Variants in DPYSL2 observed in about 807,000 individuals in gnomAD.
The protein encoded by DPYSL2 is dihydropyrimidinase-related protein 2.
DPYSL2 carries 13 observed loss-of-function variants against 69.9 expected under a neutral mutation model. The ratio of observed to expected loss-of-function variants is 0.19; its 90% CI spans 0.12 to 0.30. DPYSL2 has a LOEUF of 0.30. Ranked by LOEUF, DPYSL2 falls within the 10% of genes least tolerant of loss-of-function variation. The pLI, the probability that DPYSL2 is intolerant of heterozygous loss-of-function variation, is 1.00. For missense variants in DPYSL2, 587 were observed against 918.9 expected, an observed-to-expected ratio of 0.64 and a Z score of 4.67; for synonymous variants, 326 against 359.1, an observed-to-expected ratio of 0.91 and a Z score of 1.04.
At chr8:26,526,711 A>G (rs1808484033) in intron 1 of DPYSL2, among the ~76,000 whole-genome samples, 1 of 152,214 alleles carries the variant, frequency 6.6e-6, no homozygotes, top group Admixed American at 6.5e-5. Context: ...GCATATTGTC[A>G]ATGTCCTTCA....
intron 1 of DPYSL2, among the ~76,000 whole-genome samples, chr8:26,545,692 G>C (rs971742594): frequency 6.6e-6 from 1 of 152,062 alleles, no homozygotes; most frequent in African/African-American, 2.4e-5. Context: ...ACTTGAACCC[G>C]GGAGGCAGAG....
At chr8:26,638,591 G>T (rs376508725) in intron 8 of DPYSL2, among the ~76,000 whole-genome samples, 2 of 152,338 alleles carry the variant, frequency 1.3e-5, no homozygotes, top group African/African-American at 4.8e-5. Flanking sequence ...CTCTGTGGCT[G>T]TTCAGCAGGA....
At chr8:26,569,968 G>C (rs1585514988) in intron 1 of DPYSL2, among the ~76,000 whole-genome samples, 1 of 152,122 alleles carries the variant, frequency 6.6e-6, no homozygotes, top group African/African-American at 2.4e-5. Flanking sequence ...ACTTTAGGAG[G>C]ATCAGTTGAG....
chr8:26,576,279 G>T (rs1483522335), intron 1 of DPYSL2, among the ~76,000 whole-genome samples: 1 of 152,142 alleles, frequency 6.6e-6, no homozygotes, highest in Non-Finnish European at 1.5e-5. Context: ...AGAAAGATTG[G>T]AAGTCAGGCC....
intron 8 of DPYSL2, among the ~76,000 whole-genome samples, chr8:26,639,626 T>C (rs187815127): frequency 1.4e-3 from 207 of 152,336 alleles, no homozygotes; most frequent in Non-Finnish European, 2.5e-3. Flanking sequence ...ATTCTTCTTT[T>C]TTCCCCCACT....
At chr8:26,649,299 A>G (rs1009186276) in intron 11 of DPYSL2, among the ~76,000 whole-genome samples, 1 of 152,256 alleles carries the variant, frequency 6.6e-6, no homozygotes, top group Admixed American at 6.5e-5. Flanking sequence ...TAGACGGGGA[A>G]AATGCTTCCC....
intron 1 of DPYSL2, among the ~76,000 whole-genome samples, chr8:26,539,279 C>T (rs544416417): frequency 1.3e-5 from 2 of 152,330 alleles, no homozygotes; most frequent in South Asian, 4.1e-4. Flanking sequence ...ATGGTTCCCT[C>T]TCCCCCTGCC....
chr8:26,549,789 C>T (rs1455014074), intron 1 of DPYSL2, among the ~76,000 whole-genome samples: 1 of 152,150 alleles, frequency 6.6e-6, no homozygotes, highest in African/African-American at 2.4e-5. Flanking sequence ...AGAACAAAAA[C>T]ACCAATGTAG....
intron 1 of DPYSL2, among the ~76,000 whole-genome samples, chr8:26,572,278 A>G (rs941684836): frequency 6.6e-5 from 10 of 152,338 alleles, no homozygotes; most frequent in South Asian, 4.1e-4. Context: ...TCAGGGAGGG[A>G]ACACGTTCCG....
At chr8:26,530,641 C>T (rs868777986) in intron 1 of DPYSL2, among the ~76,000 whole-genome samples, 7 of 152,156 alleles carry the variant, frequency 4.6e-5, no homozygotes, top group African/African-American at 2.4e-5. Context: ...CATTTAGTTA[C>T]GTAAGATGTA....
In DPYSL2 at chr8:26,544,375, A is replaced by G. The variant is rs529333481; in HGVS notation, c.354+29696A>G. Among the ~76,000 whole-genome samples the G allele has an allele frequency of 9.1e-4, 138 of 152,360 alleles. 1 individual carries two copies. Among genetic ancestry groups the G allele is most frequent in the African/African-American group, 3.2e-3 (133 of 41,582 alleles). ...TACTGCTCAGAGAAGTGGTGTGATC[A>G]TTCAATTTCCAAAAGACAATATTTC... On this transcript the variant is annotated intron_variant, in intron 1 of 13. Transcript: ENST00000521913.
intron 3 of DPYSL2, among the ~76,000 whole-genome samples, chr8:26,594,554 G>A (rs1228268622): frequency 6.6e-6 from 1 of 151,974 alleles, no homozygotes; most frequent in Non-Finnish European, 1.5e-5. Context: ...ACATCTGTCT[G>A]TACCTATGGT....
chr8:26,598,935 G>A lies in DPYSL2; in HGVS notation c.628+14952G>A, dbSNP rs1013861179. Among the ~76,000 whole-genome samples the A allele has an allele frequency of 4.6e-5, 7 of 152,212 alleles. No individual in the cohort carries two copies. The highest frequency in any genetic ancestry group is 1.4e-4 in the African/African-American group (6 of 41,462). ...GCGTATTCTTAGCTGCGCAAGTGTC[G>A]TGCATGTGCGTTTGGCTCACACCCA... On this transcript the variant is annotated intron_variant, in intron 3 of 13. Coordinates refer to ENST00000521913, the MANE Select transcript of DPYSL2 (RefSeq NM_001197293.3). The surrounding 1 kb of genome is among the most constrained non-coding windows in gnomAD (Gnocchi z 4.2).
At chr8:26,599,689 C>T (rs955113590) in intron 3 of DPYSL2, among the ~76,000 whole-genome samples, 2 of 151,614 alleles carry the variant, frequency 1.3e-5, no homozygotes, top group Admixed American at 1.3e-4. Context: ...TGCACTCCAG[C>T]ATGGGTAATA....
rs1011590437 is a variant in DPYSL2 at position 26,654,135 on chromosome 8, A to G, written c.1942+738A>G. Among the ~76,000 whole-genome samples the G allele has an allele frequency of 6.6e-6, 1 of 152,114 alleles. No individual in the cohort carries two copies. The highest frequency in any genetic ancestry group is 2.4e-5 in the African/African-American group (1 of 41,398). On this transcript the variant is annotated intron_variant, in intron 13 of 13. Transcript: ENST00000521913. The surrounding 1 kb of genome is among the most constrained non-coding windows in gnomAD (Gnocchi z 5.0). ...TGTGCTTCAGTCTCCTCACCTGTAT[A>G]ATGGCAATAATAGTAGTTGCTCCCC... is the stretch of plus-strand genomic sequence containing the variant.
In DPYSL2 at chr8:26,588,412, T is replaced by C. The variant is rs960409773; in HGVS notation, c.628+4429T>C. Among the ~76,000 whole-genome samples, 4 of 152,138 alleles carry C rather than the reference T, an allele frequency of 2.6e-5. No homozygotes were observed. Among genetic ancestry groups the C allele is most frequent in the African/African-American group, 9.7e-5 (4 of 41,430 alleles). On this transcript the variant is annotated intron_variant, in intron 3 of 13. Coordinates refer to ENST00000521913, the MANE Select transcript of DPYSL2 (RefSeq NM_001197293.3). This position sits in a 1 kb window ranked among gnomAD's most constrained non-coding sequence, Gnocchi z 5.4. Reference sequence around the variant, plus strand: ...TGACTCTGTATTCGAATCTGGTGCTTGGGGAGCTTTTTGAAAGCATGACTT... The same window carrying C: ...TGACTCTGTATTCGAATCTGGTGCTCGGGGAGCTTTTTGAAAGCATGACTT...
At chr8:26,612,646 T>A (rs1475555290) in intron 3 of DPYSL2, among the ~76,000 whole-genome samples, 3 of 152,242 alleles carry the variant, frequency 2.0e-5, no homozygotes, top group Non-Finnish European at 1.5e-5. Flanking sequence ...GAGCTCATTA[T>A]CTGATGCCCT....
intron 3 of DPYSL2, among the ~76,000 whole-genome samples, chr8:26,613,744 C>T (rs1477337281): frequency 6.6e-6 from 1 of 152,172 alleles, no homozygotes; most frequent in Non-Finnish European, 1.5e-5. Flanking sequence ...CCTGCTGTTG[C>T]ACTCTTCAGA....
At chr8:26,601,464 G>A (rs981684449) in intron 3 of DPYSL2, among the ~76,000 whole-genome samples, 29 of 152,046 alleles carry the variant, frequency 1.9e-4, no homozygotes, top group African/African-American at 4.3e-4. Context: ...TGCAAGCTCC[G>A]CCTCCTGGGT....
Sources: gnomAD v4.1 joint callset for allele counts (sites outside exome capture counted in the v4.1 genomes callset) on GRCh38, gnomAD v4.1.1 for gene constraint, Gnocchi (gnomAD v3.1) non-coding constraint, MANE v1.5 for transcripts, NCBI Gene and HGNC (gene_info 2026-07-23, HGNC 2026-07-21) for gene names.